Variants in FGD2 observed in about 807,000 individuals in gnomAD.
FGD2 encodes FYVE, RhoGEF and PH domain-containing protein 2.
Under a neutral mutation model 75.9 loss-of-function variants are expected in FGD2, and 52 were observed. The observed-to-expected ratio is 0.69, with a 90% CI of 0.55 to 0.86. The LOEUF is 0.86. Ranked by LOEUF, FGD2 falls within the 40% of genes least tolerant of loss-of-function variation. FGD2 has a pLI of 0.00. For synonymous variants in FGD2, 347 were observed against 348.6 expected, an observed-to-expected ratio of 1.00 and a Z score of 0.05; for missense variants, 790 against 872.0, an observed-to-expected ratio of 0.91 and a Z score of 1.18.
intron 9 of FGD2, 70 bp from the exon 10 acceptor site, chr6:37,020,471 C>A: frequency 4.9e-6 from 7 of 1,425,330 alleles, no homozygotes; most frequent in Non-Finnish European, 6.8e-6. Flanking sequence ...ACCTCCCTCC[C>A]CTCCACAGTG....
intron 2 of FGD2, chr6:37,009,667 T>A (rs1764915114): frequency 6.6e-6 from 1 of 152,226 alleles, no homozygotes; most frequent in African/African-American, 2.4e-5. Context: ...ATGGGGATAG[T>A]GGTTATAGTA....
chr6:37,021,799 T>G (rs1224395591), intron 12 of FGD2, 195 bp downstream of exon 12: 3 of 575,878 alleles, frequency 5.2e-6, no homozygotes, highest in African/African-American at 1.9e-5. Flanking sequence ...AAACTTCCTT[T>G]GAGAGCCTGT....
chr6:37,016,533 G>A (rs1331864365), intron 9 of FGD2, among the ~76,000 whole-genome samples: 1 of 116,120 alleles, frequency 8.6e-6, no homozygotes, highest in Non-Finnish European at 1.7e-5. Flanking sequence ...GAATCTTCTG[G>A]ATTTTTTTTT....
At chr6:37,014,505 TGGCTGGGCTGCACA>T (rs1182379705) in intron 6 of FGD2, 127 bp from the exon 7 acceptor site, 178 of 924,676 alleles carry the variant, frequency 1.9e-4, no homozygotes, top group Admixed American at 4.9e-4. Flanking sequence ...AGACACCCCA[TGGCTGGGCTGCACA>T]GGCAGGGCTG....
chr6:37,006,475 G>A (rs940049603), intron 1 of FGD2, among the ~76,000 whole-genome samples: 1 of 152,086 alleles, frequency 6.6e-6, no homozygotes, highest in Non-Finnish European at 1.5e-5. Flanking sequence ...TTATAGATGA[G>A]GAAATGGAGA....
At chr6:37,020,891 T>A in intron 11 of FGD2, 152 bp downstream of exon 11, 1 of 734,260 alleles carries the variant, frequency 1.4e-6, no homozygotes, top group East Asian at 3.2e-5. Context: ...TGTATGCATG[T>A]GTGTGTGTGT....
intron 1 of FGD2, 110 bp downstream of exon 1, chr6:37,005,995 C>A: frequency 8.0e-7 from 1 of 1,248,420 alleles, no homozygotes. Context: ...CCTGCAGGGG[C>A]AGCCCCGCGT....
intron 5 of FGD2, 24 bp from the exon 6 acceptor site, chr6:37,013,938 G>A (rs746828814): frequency 5.5e-5 from 89 of 1,609,788 alleles, no homozygotes; most frequent in Non-Finnish European, 7.2e-5. Flanking sequence ...CCCTCTCCGT[G>A]TTGCTCCCCC....
rs1225440634 is a variant in FGD2, at chr6:37,005,732, C to T, written c.-86C>T. The stretch of plus-strand genomic sequence containing the variant: ...TTCATGGGTGATTTAGCCTATCTGT[C>T]CCAGGCCAGCGTGGCTGAGTGTGCT... On this transcript the variant is annotated 5_prime_UTR_variant, in exon 1 of 16. Transcript: ENST00000274963. The T allele has an allele frequency of 1.4e-6, 2 of 1,442,480 alleles. No homozygotes were observed. The highest frequency in any genetic ancestry group is 2.3e-5 in the East Asian group (1 of 43,516). The allele number at this position is 1,442,480 out of a possible 1,614,324, so 89.4% of individuals were successfully genotyped here.
chr6:37,014,963 C>T lies in FGD2; in HGVS notation c.954C>T (p.Asn318=). The change falls in exon 8 of 16, where the codon AAC becomes AAT. Residue 318 remains asparagine, a synonymous_variant. Transcript: ENST00000274963. ...GLEDDIVDPS[N]TLLREGPVLK... is the part of the protein sequence containing the mutation. ...AGGACGACATAGTAGACCCCTCTAACACCCTGCTCCGTGAGGGCCCGGTCC... is the reference window on the plus strand; with the variant it reads ...AGGACGACATAGTAGACCCCTCTAATACCCTGCTCCGTGAGGGCCCGGTCC... The T allele has an allele frequency of 3.1e-6, 5 of 1,614,182 alleles. No individual in the cohort carries two copies. Among genetic ancestry groups the T allele is most frequent in the East Asian group, 2.2e-5 (1 of 44,872 alleles).
chr6:37,020,888 A>ATG (rs58421270), intron 11 of FGD2, 149 bp downstream of exon 11: 42,124 of 688,022 alleles, frequency 0.061, 746 homozygotes, highest in African/African-American at 0.14. Context: ...GTATGTATGC[A>ATG]TGTGTGTGTG....
chr6:37,019,837 CTTCTT>C (rs1163048921), intron 9 of FGD2, among the ~76,000 whole-genome samples: 50 of 145,070 alleles, frequency 3.4e-4, no homozygotes, highest in Non-Finnish European at 6.1e-4. Context: ...TTATTTTCTT[CTTCTT>C]TTCTTTTCTT....
chr6:37,011,766 G>C lies in FGD2; in HGVS notation c.439G>C (p.Val147Leu). The change falls in exon 4 of 16, where the codon GTC (valine) becomes CTC (leucine). Residue 147 changes from valine (V) to leucine (L), a missense_variant. Coordinates refer to ENST00000274963, the MANE Select transcript of FGD2 (RefSeq NM_173558.4). ...CAGCAAGGCCTTCCCAGAGGATGTG[G>C]TCAGGGTCATCTTCTCCAACATCTC... Reference protein sequence around the residue: ...RSSKAFPEDVVRVIFSNISSI... With the variant: ...RSSKAFPEDVLRVIFSNISSI... 1 of 1,614,182 alleles carries C rather than the reference G, an allele frequency of 6.2e-7. No homozygotes were observed. Among genetic ancestry groups the C allele is most frequent in the Non-Finnish European group, 8.5e-7 (1 of 1,180,028 alleles).
At chr6:37,011,327 G>A (rs796311659) in intron 3 of FGD2, 15 of 567,404 alleles carry the variant, frequency 2.6e-5, no homozygotes, top group African/African-American at 2.6e-4. Flanking sequence ...ATCTTCATCT[G>A]TCATCTCAAT....
In FGD2 at chr6:37,028,615, C is replaced by CTTTTTTTTTCT. The variant is rs1765946177; in HGVS notation, c.*461_*462insCTTTTTTTTTT. ...GGCTGAGTTGGGGGAGGCATGGGGT[C>CTTTTTTTTTCT]TTTTTTTTTTTTTTTTTGAGACAGA... On this transcript the variant is annotated 3_prime_UTR_variant, in exon 16 of 16. Transcript: ENST00000274963. The CTTTTTTTTTCT allele has an allele frequency of 1.3e-5, 1 of 79,024 alleles. No individual in the cohort carries two copies. Among genetic ancestry groups the CTTTTTTTTTCT allele is most frequent in the Non-Finnish European group, 2.3e-5 (1 of 44,274 alleles). 4.9% of individuals were successfully genotyped at this position (79,024 alleles called of 1,614,324 possible).
intron 12 of FGD2, 29 bp from the exon 13 acceptor site, chr6:37,022,210 A>G: frequency 6.3e-7 from 1 of 1,592,076 alleles, no homozygotes; most frequent in Non-Finnish European, 8.6e-7. Flanking sequence ...CCAAGGGCCC[A>G]TTCCTGCCCA....
chr6:37,012,802 T>C (rs530426500), intron 4 of FGD2, among the ~76,000 whole-genome samples: 17 of 149,094 alleles, frequency 1.1e-4, no homozygotes, highest in African/African-American at 4.2e-4. Context: ...AATGAGAAAA[T>C]CAGGGTACAA....
intron 15 of FGD2, 105 bp from the exon 16 acceptor site, chr6:37,027,826 ACCCCCAACCCATGGGGG>A: frequency 8.3e-7 from 1 of 1,201,556 alleles, no homozygotes; most frequent in South Asian, 1.5e-5. Context: ...TCACCAGCCC[ACCCCCAACCCATGGGGG>A]TTTAGGGTGT....
chr6:37,011,763 G>A lies in FGD2; in HGVS notation c.436G>A (p.Val146Met). 1 of 1,614,194 alleles carries A rather than the reference G, an allele frequency of 6.2e-7. No homozygotes were observed. ...ARSSKAFPED[V>M]VRVIFSNISS... is the part of the protein sequence containing the mutation. ...CAGCAGCAAGGCCTTCCCAGAGGAT[G>A]TGGTCAGGGTCATCTTCTCCAACAT... The change falls in exon 4 of 16, where the codon GTG (valine) becomes ATG (methionine). Residue 146 changes from valine (V) to methionine (M), a missense_variant. By Grantham distance (21) the Val-to-Met change is conservative. Coordinates refer to ENST00000274963, the MANE Select transcript of FGD2 (RefSeq NM_173558.4).
Sources: gnomAD v4.1 joint callset for allele counts (sites outside exome capture counted in the v4.1 genomes callset) on GRCh38, gnomAD v4.1.1 for gene constraint, MANE v1.5 for transcripts, NCBI Gene and HGNC (gene_info 2026-07-23, HGNC 2026-07-21) for gene names.